The following ANKRD26 variants were observed in gnomAD, a reference collection of about 807,000 sequenced individuals.
ANKRD26 encodes ankyrin repeat domain 26, also known as ankyrin repeat domain-containing protein 26.
Under a neutral mutation model 208.7 loss-of-function variants are expected in ANKRD26, and 141 were observed. That is an observed-to-expected ratio of 0.68 (90% CI 0.59 to 0.78). The LOEUF (loss-of-function observed/expected upper bound fraction) is 0.78. Among genes scored for constraint, ANKRD26 ranks in the 30% least tolerant of loss-of-function variants. The pLI, the probability that ANKRD26 is intolerant of heterozygous loss-of-function variation, is 0.00. For synonymous variants in ANKRD26, 636 were observed against 660.4 expected, an observed-to-expected ratio of 0.96 and a Z score of 0.57; for missense variants, 1,889 against 1,938.7, an observed-to-expected ratio of 0.97 and a Z score of 0.48.
chr10:26,994,772 G>A (rs536990582), intron 5 of ANKRD26, among the ~76,000 whole-genome samples: 3 of 152,270 alleles, frequency 2.0e-5, no homozygotes, highest in African/African-American at 7.2e-5. Flanking sequence ...GGGTTGCCCC[G>A]AGAAGGTTAA....
At chr10:26,974,532 G>T (rs2052197085) in exon 6 of ANKRD26, among the ~76,000 whole-genome samples, 1 of 152,044 alleles carries the variant, frequency 6.6e-6, no homozygotes, top group South Asian at 2.1e-4. Flanking sequence ...AGTAGAGATT[G>T]GGTTTCACCG....
the ANKRD26 span, among the ~76,000 whole-genome samples, chr10:26,959,645 T>C: frequency 6.6e-6 from 1 of 150,726 alleles, no homozygotes; most frequent in Non-Finnish European, 1.5e-5. Flanking sequence ...GAATGCACTT[T>C]TTTTTTTTTT....
chr10:27,044,121 T>A (rs1309491179), intron 19 of ANKRD26, 36 bp downstream of exon 19: 2 of 1,309,392 alleles, frequency 1.5e-6, no homozygotes, highest in Non-Finnish European at 2.1e-6. Flanking sequence ...TGTATTTTTT[T>A]AAACAATAAT....
At chr10:27,082,014 T>C (rs1046502266) in intron 6 of ANKRD26, among the ~76,000 whole-genome samples, 3 of 146,788 alleles carry the variant, frequency 2.0e-5, no homozygotes, top group Non-Finnish European at 4.5e-5. Context: ...GGGATTACAG[T>C]TGTGAGCCAC....
downstream of ANKRD26, among the ~76,000 whole-genome samples, chr10:26,969,253 A>C (rs2134579208): frequency 6.6e-6 from 1 of 152,302 alleles, no homozygotes; most frequent in South Asian, 2.1e-4. Context: ...GCTGTCAGGA[A>C]ATATCTCTGT....
chr10:27,035,773 T>C, intron 23 of ANKRD26, 21 bp from the exon 24 acceptor site: 2 of 1,527,640 alleles, frequency 1.3e-6, no homozygotes, highest in Non-Finnish European at 9.0e-7. Context: ...CAAAGGAAAC[T>C]TTGAGCTAGC....
chr10:26,970,778 C>T (rs1024721487), downstream of ANKRD26, among the ~76,000 whole-genome samples: 2 of 152,204 alleles, frequency 1.3e-5, no homozygotes, highest in Non-Finnish European at 2.9e-5. Context: ...TATACACTCT[C>T]GCCCGTTTAT....
At chr10:26,976,904 C>T (rs1171911077) in intron 5 of ANKRD26, among the ~76,000 whole-genome samples, 1 of 152,108 alleles carries the variant, frequency 6.6e-6, no homozygotes, top group African/African-American at 2.4e-5. Context: ...CGTAAGAAAT[C>T]CACTATTTTC....
chr10:26,961,272 G>T, the ANKRD26 span, among the ~76,000 whole-genome samples: 1 of 148,988 alleles, frequency 6.7e-6, no homozygotes, highest in Non-Finnish European at 1.5e-5. Flanking sequence ...CAATCAAAAA[G>T]AAATATAATA....
At chr10:26,983,795 G>C (rs1197929760) in intron 3 of ANKRD26, among the ~76,000 whole-genome samples, 1 of 152,148 alleles carries the variant, frequency 6.6e-6, no homozygotes, top group African/African-American at 2.4e-5. Context: ...TTTCTCCTAA[G>C]AGTCTTTTCA....
intron 16 of ANKRD26, chr10:27,051,646 A>C: frequency 1.0e-6 from 1 of 985,304 alleles, no homozygotes; most frequent in Non-Finnish European, 1.2e-6. Context: ...GATGACTGGC[A>C]AGCATATTCT....
Position 27,039,965 on chromosome 10 carries a change from C to T in ANKRD26, c.2375G>A (p.Arg792Lys), listed in dbSNP as rs915334862. ...VEWERELCSLRFSLNQEEEKR... is the reference protein window; with the variant it reads ...VEWERELCSLKFSLNQEEEKR... ...TTTCTTTAAAACTAGGCTATCATAC[C>T]TCAAAGAGCACAGTTCTCGTTCCCA... Residue 792 changes from arginine (R) to lysine (K), a missense_variant and splice_region_variant, in exon 21 of 34, where the codon AGA (arginine) becomes AAA (lysine). Around this residue, in one of 3 missense-constraint regions of ANKRD26, gnomAD observed 1,272 missense variants for 1,273.8 expected, o/e 1.00. Coordinates refer to ENST00000376087, the MANE Select transcript of ANKRD26 (RefSeq NM_014915.3). The T allele has an allele frequency of 1.2e-6, 2 of 1,612,756 alleles. No homozygotes were observed. Among genetic ancestry groups the T allele is most frequent in the Middle Eastern group, 1.7e-4 (1 of 5,810 alleles).
chr10:26,961,132 G>A, the ANKRD26 span, among the ~76,000 whole-genome samples: 1 of 151,328 alleles, frequency 6.6e-6, no homozygotes, highest in South Asian at 2.1e-4. Flanking sequence ...CAGGAGAATC[G>A]CTTGAACCTG....
Position 27,043,568 on chromosome 10 carries a change from CT to C in ANKRD26, c.2020-2del. 1 of 1,612,308 alleles carries C rather than the reference CT, an allele frequency of 6.2e-7. No homozygotes were observed. Among genetic ancestry groups the C allele is most frequent in the South Asian group, 1.1e-5 (1 of 91,012 alleles). ...CCATAGACTGTATTTGGTTTTTGAC[CT>C]ATGAAATAAATAACACTGTTTCAAA... On this transcript the variant is annotated splice_acceptor_variant, in intron 19 of 33. Coordinates refer to ENST00000376087, the MANE Select transcript of ANKRD26 (RefSeq NM_014915.3). LOFTEE classifies it high-confidence loss of function.
chr10:27,019,697 T>A (rs1348657084), intron 29 of ANKRD26, among the ~76,000 whole-genome samples: 1 of 152,240 alleles, frequency 6.6e-6, no homozygotes. Flanking sequence ...TGCTTAACAT[T>A]GTTTGCCATG....
intron 15 of ANKRD26, among the ~76,000 whole-genome samples, chr10:27,056,819 T>C (rs1265489320): frequency 1.3e-5 from 2 of 152,174 alleles, no homozygotes; most frequent in Non-Finnish European, 2.9e-5. Context: ...TATGATATTA[T>C]GAAGCCAAGC....
rs1268470035 is a variant in ANKRD26 at position 27,034,971 on chromosome 10, T to C, written c.3479A>G (p.Lys1160Arg). 5.0e-6 allele frequency: 8 copies of C among 1,614,100 alleles called. No individual in the cohort carries two copies. The East Asian group carries it at 1.3e-4, about 27-fold the overall frequency. The change falls in exon 24 of 34, where the codon AAA becomes AGA. Residue 1160 changes from lysine (K) to arginine (R), a missense_variant. Lys to Arg is a conservative substitution (Grantham distance 26). Transcript: ENST00000376087. ...TTGGATATTAATCACTGTCTTCTCT[T>C]TATTGTCAGCCTTGTTGTGGGCATC... ...LDDAHNKADN[K>R]EKTVINIQDQ...
the ANKRD26 span, among the ~76,000 whole-genome samples, chr10:26,955,078 T>G: frequency 1.3e-5 from 2 of 151,840 alleles, no homozygotes; most frequent in Admixed American, 1.3e-4. Flanking sequence ...TTGGTTCCAT[T>G]GAATTAACTA....
Position 26,995,149 on chromosome 10 carries a change from T to G in ANKRD26, c.563-2A>C. 1 of 471,136 alleles carries G rather than the reference T, an allele frequency of 2.1e-6. No homozygotes were observed. Among genetic ancestry groups the G allele is most frequent in the Non-Finnish European group, 4.4e-6 (1 of 227,044 alleles). 29.2% of individuals were successfully genotyped at this position (471,136 alleles called of 1,614,324 possible). A position where few individuals can be genotyped will look rare whatever the true frequency, so the allele number is the denominator to read the frequency against. ...ATGAGGGGTTTCATCAGAAGGTCCC[T>G]GGAATAGAGTGGCAGGATTAAGGTA... On this transcript the variant is annotated splice_acceptor_variant, in intron 4 of 5. Transcript: ENST00000445828. LOFTEE classifies it high-confidence loss of function.
Sources: allele counts gnomAD v4.1 joint callset (sites outside exome capture counted in the v4.1 genomes callset), GRCh38; gene constraint gnomAD v4.1.1; regional missense constraint gnomAD v4.1.1; transcripts MANE v1.5; gene names NCBI Gene and HGNC (gene_info 2026-07-23, HGNC 2026-07-21).